The following FBN1 variants were observed in gnomAD, a reference collection of about 807,000 sequenced individuals.
FBN1 encodes fibrillin 1.
A neutral mutation model predicts 365.1 loss-of-function variants in FBN1; 29 were observed. That is an observed-to-expected ratio of 0.08 (90% CI 0.06 to 0.11). The LOEUF (loss-of-function observed/expected upper bound fraction) is 0.11, where lower values mean the gene tolerates loss of function less well. Among genes scored for constraint, FBN1 ranks in the 10% least tolerant of loss-of-function variants. The probability of loss-of-function intolerance (pLI) is 1.00; values close to 1 mark genes in which losing one functional copy is unlikely to be tolerated. For missense variants in FBN1, 2,476 were observed against 3,703.2 expected, an observed-to-expected ratio of 0.67 and a Z score of 8.60; for synonymous variants, 1,210 against 1,270.5, an observed-to-expected ratio of 0.95 and a Z score of 1.01.
At chr15:48,510,489 T>C (rs1434572708) in intron 13 of FBN1, among the ~76,000 whole-genome samples, 8 of 152,212 alleles carry the variant, frequency 5.3e-5, no homozygotes, top group Non-Finnish European at 1.2e-4. Flanking sequence ...TATAAATCAC[T>C]ATTTATACTG....
chr15:48,597,764 C>T (rs571174542), intron 5 of FBN1, among the ~76,000 whole-genome samples: 1 of 152,288 alleles, frequency 6.6e-6, no homozygotes, highest in East Asian at 1.9e-4. Flanking sequence ...TTCTTTGCCT[C>T]TTGATTTATA....
At chr15:48,487,008 C>T (rs76764834) in intron 29 of FBN1, 67 bp downstream of exon 29, 6 of 649,900 alleles carry the variant, frequency 9.2e-6, no homozygotes, top group Admixed American at 1.3e-4. Flanking sequence ...AATAAAATAA[C>T]ATAACATAAC....
At chr15:48,427,963 C>T in intron 57 of FBN1, 190 bp from the exon 58 acceptor site, 1 of 703,834 alleles carries the variant, frequency 1.4e-6, no homozygotes, top group Non-Finnish European at 2.6e-6. Flanking sequence ...ACAAATAAGA[C>T]ATTCAGTAAG....
chr15:48,600,122 A>T lies in FBN1; in HGVS notation c.442+17T>A, dbSNP rs779385878. On this transcript the variant is annotated intron_variant, in intron 5 of 65. Transcript: ENST00000316623. ...ACAGGTTAACATCTAGAATACTTATAACTACAGTGTACTTACGTTGTCCAC... is the reference window on the plus strand; with the variant it reads ...ACAGGTTAACATCTAGAATACTTATTACTACAGTGTACTTACGTTGTCCAC... 3 of 1,561,832 alleles carry T rather than the reference A, an allele frequency of 1.9e-6. No homozygotes were observed. In the Admixed American group the frequency reaches 5.0e-5, roughly 26 times the overall value.
At chr15:48,548,776 A>G (rs1045138434) in intron 6 of FBN1, among the ~76,000 whole-genome samples, 1 of 152,212 alleles carries the variant, frequency 6.6e-6, no homozygotes, top group Non-Finnish European at 1.5e-5. Context: ...AAACACCACA[A>G]TTTTCTCCAA....
In FBN1 at chr15:48,425,361, T is replaced by C. The variant is rs768054397; in HGVS notation, c.7453+8A>G. Reference sequence around the variant, plus strand: ...CTAGGTGAGGGGCAATGGTCAATTCTACTTTACCTTTGCAGCTCCTTCCAT... The same window carrying C: ...CTAGGTGAGGGGCAATGGTCAATTCCACTTTACCTTTGCAGCTCCTTCCAT... On this transcript the variant is annotated splice_region_variant and intron_variant, in intron 60 of 65. Transcript: ENST00000316623. 6.2e-7 allele frequency: 1 copy of C among 1,614,060 alleles called. No individual in the cohort carries two copies. Among genetic ancestry groups the C allele is most frequent in the Admixed American group, 1.7e-5 (1 of 60,032 alleles).
intron 15 of FBN1, among the ~76,000 whole-genome samples, chr15:48,506,600 G>C (rs534966679): frequency 1.3e-4 from 20 of 152,286 alleles, no homozygotes; most frequent in African/African-American, 4.6e-4. Context: ...AGGTAACCTT[G>C]GTCAAAGTTA....
chr15:48,492,711 C>G, intron 23 of FBN1, 125 bp from the exon 24 acceptor site: 1 of 796,030 alleles, frequency 1.3e-6, no homozygotes, highest in Non-Finnish European at 2.0e-6. Context: ...AGTTTGCCTA[C>G]AAGTAGTTTG....
intron 9 of FBN1, among the ~76,000 whole-genome samples, chr15:48,522,298 T>C (rs1423865658): frequency 2.6e-5 from 4 of 152,078 alleles, no homozygotes; most frequent in Admixed American, 6.5e-5. Context: ...CTTTATTGTG[T>C]ATAATAAATT....
In FBN1 at chr15:48,412,612, C is replaced by T; in HGVS notation, c.8183G>A (p.Arg2728Lys). 1 of 1,614,238 alleles carries T rather than the reference C, an allele frequency of 6.2e-7. No homozygotes were observed. Among genetic ancestry groups the T allele is most frequent in the South Asian group, 1.1e-5 (1 of 91,080 alleles). The change falls in exon 65 of 66, where the codon AGG becomes AAG. Residue 2728 changes from arginine to lysine, a missense_variant. Arg to Lys is a conservative substitution (Grantham distance 26). Coordinates refer to ENST00000316623, the MANE Select transcript of FBN1 (RefSeq NM_000138.5). ...CKINGYPKRG[R>K]KRRSTNETDA... ...AGTTTCGTTTGTGCTTCTCCGTTTC[C>T]TGCCCCGTTTGGGGTAGCCATTGAT...
At chr15:48,597,470 A>G (rs2044524819) in intron 5 of FBN1, among the ~76,000 whole-genome samples, 1 of 152,176 alleles carries the variant, frequency 6.6e-6, no homozygotes, top group African/African-American at 2.4e-5. Context: ...GAGCTGCACT[A>G]CAGGCTGAAG....
intron 17 of FBN1, among the ~76,000 whole-genome samples, chr15:48,501,998 GT>G (rs1487577560): frequency 2.0e-5 from 3 of 152,010 alleles, no homozygotes; most frequent in Non-Finnish European, 2.9e-5. Flanking sequence ...AGCCAGAGCA[GT>G]TTTTTTCTTT....
chr15:48,630,057 T>C (rs959436183), intron 2 of FBN1, among the ~76,000 whole-genome samples: 2 of 152,226 alleles, frequency 1.3e-5, no homozygotes, highest in Admixed American at 6.5e-5. Flanking sequence ...GTTCACTAGA[T>C]GAAGAATCCA....
intron 57 of FBN1, 72 bp from the exon 58 acceptor site, chr15:48,427,845 T>A: frequency 6.7e-7 from 1 of 1,482,712 alleles, no homozygotes; most frequent in Non-Finnish European, 9.3e-7. Flanking sequence ...AAAAATTTGG[T>A]CAGATATAAA....
Position 48,452,554 on chromosome 15 carries a change from C to T in FBN1, c.5545+8G>A. On this transcript the variant is annotated splice_region_variant and intron_variant, in intron 45 of 65. Coordinates refer to ENST00000316623, the MANE Select transcript of FBN1 (RefSeq NM_000138.5). Reference sequence around the variant, plus strand: ...GTAGGCATGTCCAGCCTGTGGGGCACTACATACCATTGCACTGTCCTGTGG... The same window carrying T: ...GTAGGCATGTCCAGCCTGTGGGGCATTACATACCATTGCACTGTCCTGTGG... 1 of 1,614,006 alleles carries T rather than the reference C, an allele frequency of 6.2e-7. No individual in the cohort carries two copies. The highest frequency in any genetic ancestry group is 8.5e-7 in the Non-Finnish European group (1 of 1,179,996).
At chr15:48,505,588 C>A (rs2043701502) in intron 15 of FBN1, among the ~76,000 whole-genome samples, 1 of 152,136 alleles carries the variant, frequency 6.6e-6, no homozygotes, top group Non-Finnish European at 1.5e-5. Flanking sequence ...TCTAGTATCA[C>A]CCATGTCTTG....
intron 6 of FBN1, among the ~76,000 whole-genome samples, chr15:48,560,703 T>C (rs2044216536): frequency 6.6e-6 from 1 of 152,184 alleles, no homozygotes; most frequent in African/African-American, 2.4e-5. Flanking sequence ...ATGGCTTCAA[T>C]TTCCTTTGGA....
At chr15:48,456,800 C>T in intron 43 of FBN1, 38 bp from the exon 44 acceptor site, 3 of 1,602,984 alleles carry the variant, frequency 1.9e-6, no homozygotes, top group Non-Finnish European at 2.6e-6. Context: ...GACAGGACAG[C>T]ACATGATCCC....
At chr15:48,433,657 G>T (rs952360366) in intron 54 of FBN1, among the ~76,000 whole-genome samples, 6 of 152,190 alleles carry the variant, frequency 3.9e-5, no homozygotes, top group Non-Finnish European at 8.8e-5. Flanking sequence ...ATGTGTTTTG[G>T]AAAAGCAGGA....
Sources: gnomAD v4.1 joint callset for allele counts (sites outside exome capture counted in the v4.1 genomes callset) on GRCh38, gnomAD v4.1.1 for gene constraint, MANE v1.5 for transcripts, NCBI Gene and HGNC (gene_info 2026-07-23, HGNC 2026-07-21) for gene names.